SFMBT2: variants seen among roughly 807,000 people sequenced by gnomAD.
SFMBT2 encodes Scm like with four mbt domains 2, also known as scm-like with four MBT domains protein 2.
In SFMBT2, 38 loss-of-function variants were observed where a neutral mutation model predicts 110.1. That is an observed-to-expected ratio of 0.35 (90% CI 0.27 to 0.45). SFMBT2 has a LOEUF of 0.45. Ranked by LOEUF, SFMBT2 falls within the 20% of genes least tolerant of loss-of-function variation. The probability of loss-of-function intolerance (pLI) is 1.00; values close to 1 mark genes in which losing one functional copy is unlikely to be tolerated. For missense variants in SFMBT2, 1,011 were observed against 1,094.9 expected (o/e 0.92, Z 1.08); for synonymous variants, 425 against 425.4 (o/e 1.00, Z 0.01).
At chr10:7,291,368 CT>C (rs1842257025) in intron 4 of SFMBT2, among the ~76,000 whole-genome samples, 1 of 152,228 alleles carries the variant, frequency 6.6e-6, no homozygotes, top group Admixed American at 6.5e-5. Flanking sequence ...CCAATCAATG[CT>C]TCTTTGAATT....
chr10:7,352,909 G>C (rs993361998), intron 4 of SFMBT2, among the ~76,000 whole-genome samples: 1 of 152,098 alleles, frequency 6.6e-6, no homozygotes, highest in Non-Finnish European at 1.5e-5. Flanking sequence ...TACTCGGGAG[G>C]TGAGGCAGGA....
At chr10:7,177,859 T>A (rs1419778102) in intron 16 of SFMBT2, among the ~76,000 whole-genome samples, 1 of 146,062 alleles carries the variant, frequency 6.8e-6, no homozygotes, top group African/African-American at 2.5e-5. Flanking sequence ...CTCTGTCTCT[T>A]AAAAAAAAAA....
At chr10:7,228,323 T>G (rs1839959881) in intron 9 of SFMBT2, 1 of 744,902 alleles carries the variant, frequency 1.3e-6, no homozygotes, top group Non-Finnish European at 1.6e-6. Flanking sequence ...CGTGGGAGCT[T>G]ACTTTTCGGT....
intron 4 of SFMBT2, among the ~76,000 whole-genome samples, chr10:7,342,675 G>A (rs1201448361): frequency 6.6e-6 from 1 of 152,002 alleles, no homozygotes; most frequent in South Asian, 2.1e-4. Context: ...GGGATTACAG[G>A]CGTGAGCCAC....
At chr10:7,225,937 G>A (rs759597196) in intron 10 of SFMBT2, among the ~76,000 whole-genome samples, 2 of 152,250 alleles carry the variant, frequency 1.3e-5, no homozygotes, top group South Asian at 2.1e-4. Flanking sequence ...ACATCAATAC[G>A]GTGAGAAGTC....
rs1044036673 is a variant in SFMBT2 at position 7,171,407 on chromosome 10, G to C, written c.2416-351C>G. On this transcript the variant is annotated intron_variant, in intron 19 of 20. Coordinates refer to ENST00000397167, the MANE Select transcript of SFMBT2 (RefSeq NM_001387889.1). This position sits in a 1 kb window ranked among gnomAD's most constrained non-coding sequence, Gnocchi z 4.9. ...GGCACGTCCAAGCAGACACGAGACA[G>C]TGTCCCCCAGTGTTTCTGTAATGGT... 1.0e-6 allele frequency: 1 copy of C among 985,326 alleles called. No individual in the cohort carries two copies. Among genetic ancestry groups the C allele is most frequent in the African/African-American group, 1.7e-5 (1 of 57,256 alleles). The allele number at this position is 985,326 out of a possible 1,614,324, so 61.0% of individuals were successfully genotyped here.
intron 4 of SFMBT2, among the ~76,000 whole-genome samples, chr10:7,327,785 G>A (rs1843440118): frequency 1.3e-5 from 2 of 151,828 alleles, no homozygotes; most frequent in South Asian, 4.1e-4. Flanking sequence ...TATTCTCCAT[G>A]GTTGTATCAA....
At chr10:7,375,550 T>C (rs1387857746) in intron 2 of SFMBT2, among the ~76,000 whole-genome samples, 4 of 152,078 alleles carry the variant, frequency 2.6e-5, no homozygotes, top group Admixed American at 2.0e-4. Flanking sequence ...TCCTAAGATT[T>C]AGAAATTAGT....
intron 9 of SFMBT2, among the ~76,000 whole-genome samples, chr10:7,240,932 A>G (rs767634163): frequency 2.0e-5 from 3 of 152,122 alleles, no homozygotes; most frequent in Non-Finnish European, 4.4e-5. Context: ...TTCTTGAATG[A>G]TATGGTTTGG....
At chr10:7,299,390 G>GA (rs1352265481) in intron 4 of SFMBT2, among the ~76,000 whole-genome samples, 1 of 152,030 alleles carries the variant, frequency 6.6e-6, no homozygotes, top group African/African-American at 2.4e-5. Context: ...ATATTTACAA[G>GA]AAAAAAACAA....
Position 7,197,783 on chromosome 10 carries a change from G to A in SFMBT2, c.1559-96C>T, listed in dbSNP as rs894956101. ...GCTTCATCCACATGGTCAGGGAAAA[G>A]GACCACACAGAGCTGTCCGAGGTCT... On this transcript the variant is annotated intron_variant, in intron 14 of 20. Transcript: ENST00000397167. 2.7e-5 allele frequency: 40 copies of A among 1,494,372 alleles called. 1 individual carries two copies. The highest frequency in any genetic ancestry group is 1.5e-4 in the Admixed American group (7 of 45,950). 92.6% of individuals were successfully genotyped at this position (1,494,372 alleles called of 1,614,324 possible). A position where few individuals can be genotyped will look rare whatever the true frequency, so the allele number is the denominator to read the frequency against.
intron 4 of SFMBT2, among the ~76,000 whole-genome samples, chr10:7,344,410 G>C (rs1348287816): frequency 2.0e-5 from 3 of 152,288 alleles, no homozygotes; most frequent in East Asian, 3.9e-4. Flanking sequence ...TTTATAAAGG[G>C]AAGTTGCCCT....
chr10:7,268,800 C>T lies in SFMBT2; in HGVS notation c.870+8092G>A, dbSNP rs143923132. Among the ~76,000 whole-genome samples the T allele has an allele frequency of 1.7e-3, 261 of 152,292 alleles. 1 individual carries two copies. Among genetic ancestry groups the T allele is most frequent in the African/African-American group, 6.0e-3 (251 of 41,554 alleles). On this transcript the variant is annotated intron_variant, in intron 7 of 20. Coordinates refer to ENST00000397167, the MANE Select transcript of SFMBT2 (RefSeq NM_001387889.1). The stretch of plus-strand genomic sequence containing the variant: ...TGCTGCGATTACAGGCATAAGCCAC[C>T]GCACCTGGCCTTTATCTACTTTCTA...
In SFMBT2 at chr10:7,339,859, C is replaced by G. The variant is rs144336539; in HGVS notation, c.436+27790G>C. On this transcript the variant is annotated intron_variant, in intron 4 of 20. Transcript: ENST00000397167. ...TAACAGGGCTCCCCTCATGATAATG[C>G]CTAGACCGGTGGCCAGAGTTCCCAC... is the stretch of plus-strand genomic sequence containing the variant. Among the ~76,000 whole-genome samples the G allele has an allele frequency of 5.8e-3, 886 of 152,336 alleles. 6 individuals are homozygous for G. The highest frequency in any genetic ancestry group is 0.019 in the African/African-American group (808 of 41,578).
intron 15 of SFMBT2, among the ~76,000 whole-genome samples, chr10:7,197,040 G>C (rs866391469): frequency 2.4e-4 from 37 of 152,066 alleles, no homozygotes; most frequent in African/African-American, 8.7e-4. Flanking sequence ...GGAGACCATT[G>C]AAATACTTAC....
intron 9 of SFMBT2, among the ~76,000 whole-genome samples, chr10:7,228,738 TTCTC>T (rs56871421): frequency 0.13 from 8,026 of 60,768 alleles, 1,232 homozygotes; most frequent in East Asian, 0.24. Context: ...TTTCTTTCCT[TTCTC>T]TCTCTCTCTC....
At position 7,163,531 on chromosome 10, in the gene SFMBT2, T is replaced by G; in HGVS notation, c.*239A>C. ...GGGTGAGCCAAGAAGCAGGCCCACG[T>G]CTGGCAGGGTCTGATGCATGACTTT... On this transcript the variant is annotated 3_prime_UTR_variant, in exon 21 of 21. Transcript: ENST00000397167. The surrounding 1 kb of genome is among the most constrained non-coding windows in gnomAD (Gnocchi z 4.8). 1 of 439,876 alleles carries G rather than the reference T, an allele frequency of 2.3e-6. No individual in the cohort carries two copies. The highest frequency in any genetic ancestry group is 4.1e-6 in the Non-Finnish European group (1 of 246,654). The allele number at this position is 439,876 out of a possible 1,614,324, so 27.2% of individuals were successfully genotyped here. A position where few individuals can be genotyped will look rare whatever the true frequency, so the allele number is the denominator to read the frequency against.
Position 7,293,706 on chromosome 10 carries a change from TTC to T in SFMBT2, c.437-7754_437-7753del, listed in dbSNP as rs566206725. Among the ~76,000 whole-genome samples, 1 of 151,736 alleles carries T rather than the reference TTC, an allele frequency of 6.6e-6. No individual in the cohort carries two copies. On this transcript the variant is annotated intron_variant, in intron 4 of 20. Transcript: ENST00000397167. The surrounding 1 kb of genome is among the most constrained non-coding windows in gnomAD (Gnocchi z 4.6). ...AGTCAAAGTTCCTCTCTCTTTCTCT[TTC>T]TCTCTCTCTCTTTCTCTCCCTCTCT... is the stretch of plus-strand genomic sequence containing the variant.
At chr10:7,224,554 AATTCTCCCATGCT>A (rs1839846399) in intron 10 of SFMBT2, among the ~76,000 whole-genome samples, 1 of 152,016 alleles carries the variant, frequency 6.6e-6, no homozygotes, top group Admixed American at 6.5e-5. Context: ...AAAATGGGAC[AATTCTCCCATGCT>A]ATTCCCTTCG....
Sources: gnomAD v4.1 joint callset for allele counts (sites outside exome capture counted in the v4.1 genomes callset) on GRCh38, gnomAD v4.1.1 for gene constraint, Gnocchi (gnomAD v3.1) non-coding constraint, MANE v1.5 for transcripts, NCBI Gene and HGNC (gene_info 2026-07-23, HGNC 2026-07-21) for gene names.